The following EPC2 variants were observed in gnomAD, a reference collection of about 807,000 sequenced individuals.
EPC2 encodes the protein enhancer of polycomb homolog 2.
EPC2 carries 14 observed loss-of-function variants against 92.1 expected under a neutral mutation model. The ratio of observed to expected loss-of-function variants is 0.15; its 90% CI spans 0.10 to 0.24. EPC2 has a LOEUF of 0.24. Ranked by LOEUF, EPC2 falls within the 10% of genes least tolerant of loss-of-function variation. The pLI, the probability that EPC2 is intolerant of heterozygous loss-of-function variation, is 1.00. For missense variants in EPC2, 755 were observed against 971.5 expected (o/e 0.78, Z 2.96); for synonymous variants, 340 against 334.7 (o/e 1.02, Z -0.17).
At chr2:148,681,241 G>A (rs147097129) in intron 1 of EPC2, among the ~76,000 whole-genome samples, 67 of 152,292 alleles carry the variant, frequency 4.4e-4, no homozygotes, top group African/African-American at 1.5e-3. Flanking sequence ...GTGTGTTTCC[G>A]AGAACTGATA....
chr2:148,698,981 A>C (rs1337017786), intron 2 of EPC2, among the ~76,000 whole-genome samples: 2 of 152,020 alleles, frequency 1.3e-5, no homozygotes, highest in East Asian at 3.9e-4. Context: ...TATTACAAGG[A>C]ATTAGTTTTA....
chr2:148,680,987 G>A (rs1681382038), intron 1 of EPC2, among the ~76,000 whole-genome samples: 1 of 152,204 alleles, frequency 6.6e-6, no homozygotes, highest in South Asian at 2.1e-4. Context: ...CTTCAGATGA[G>A]ACATGTTTGT....
chr2:148,750,569 A>G (rs1443528853), intron 3 of EPC2, among the ~76,000 whole-genome samples: 2 of 152,066 alleles, frequency 1.3e-5, no homozygotes, highest in African/African-American at 4.8e-5. Flanking sequence ...GCAACCATGT[A>G]TATTTTGATT....
intron 1 of EPC2, among the ~76,000 whole-genome samples, 183 bp from the exon 2 acceptor site, chr2:148,690,031 A>G (rs529358469): frequency 2.0e-4 from 30 of 152,358 alleles, no homozygotes; most frequent in African/African-American, 7.0e-4. Context: ...AGGTGTTATC[A>G]GTATGAGCCA....
intron 2 of EPC2, among the ~76,000 whole-genome samples, chr2:148,724,500 T>A (rs924642584): frequency 3.3e-5 from 5 of 152,136 alleles, no homozygotes; most frequent in Non-Finnish European, 7.4e-5. Context: ...TCGTTTTATC[T>A]TCACCTCAAT....
At chr2:148,777,428 G>A (rs745343117) in intron 10 of EPC2, among the ~76,000 whole-genome samples, 4 of 152,086 alleles carry the variant, frequency 2.6e-5, no homozygotes, top group African/African-American at 7.2e-5. Context: ...AAAGGCACAA[G>A]CACAAAAATC....
intron 2 of EPC2, among the ~76,000 whole-genome samples, chr2:148,731,170 T>C (rs1268341371): frequency 1.3e-5 from 2 of 152,198 alleles, no homozygotes; most frequent in Non-Finnish European, 2.9e-5. Context: ...GTGTTGGTTG[T>C]TACTGGATTC....
intron 1 of EPC2, among the ~76,000 whole-genome samples, chr2:148,649,707 T>C (rs1680629332): frequency 6.6e-6 from 1 of 152,238 alleles, no homozygotes; most frequent in Non-Finnish European, 1.5e-5. Flanking sequence ...TTCAGACCCT[T>C]GACATTGGTG....
At chr2:148,690,614 T>C (rs201362211) in intron 2 of EPC2, among the ~76,000 whole-genome samples, 1 of 152,242 alleles carries the variant, frequency 6.6e-6, no homozygotes, top group Non-Finnish European at 1.5e-5. Context: ...ATAGCACTTA[T>C]ACTTTATTAC....
intron 2 of EPC2, among the ~76,000 whole-genome samples, chr2:148,727,024 T>G (rs1682513474): frequency 6.6e-6 from 1 of 152,142 alleles, no homozygotes; most frequent in Non-Finnish European, 1.5e-5. Flanking sequence ...CATGAAGTCT[T>G]TCTTCCTGTA....
At chr2:148,771,661 A>G (rs1239961341) in intron 10 of EPC2, among the ~76,000 whole-genome samples, 1 of 152,154 alleles carries the variant, frequency 6.6e-6, no homozygotes, top group African/African-American at 2.4e-5. Context: ...AGATCATCAC[A>G]GCACAGTACT....
At chr2:148,755,371 A>G (rs1683166284) in intron 4 of EPC2, among the ~76,000 whole-genome samples, 1 of 152,174 alleles carries the variant, frequency 6.6e-6, no homozygotes, top group Admixed American at 6.5e-5. Context: ...AGGTTTATCT[A>G]AATCATTAAA....
intron 12 of EPC2, among the ~76,000 whole-genome samples, chr2:148,784,047 C>T (rs1373474399): frequency 2.0e-5 from 3 of 152,180 alleles, no homozygotes; most frequent in Non-Finnish European, 2.9e-5. Flanking sequence ...ATCTGTTGAG[C>T]TAACCATCCC....
rs567891291 is a variant in EPC2 at position 148,698,621 on chromosome 2, G to A, written c.313+8248G>A. Among the ~76,000 whole-genome samples the A allele has an allele frequency of 1.8e-3, 191 of 105,790 alleles. 2 individuals are homozygous for A. The highest frequency in any genetic ancestry group is 2.8e-3 in the Non-Finnish European group (163 of 57,452). The allele number at this position is 105,790 out of a possible 152,430, so 69.4% of individuals were successfully genotyped here. On this transcript the variant is annotated intron_variant, in intron 2 of 13. Transcript: ENST00000258484. ...ATTGCACTCCAGCCTGGGTGACAGC[G>A]AGACTCCATCTCAAAAAAAAAAAAA... is the stretch of plus-strand genomic sequence containing the variant.
At chr2:148,753,882 T>G (rs1322239001) in intron 3 of EPC2, 45 bp from the exon 4 acceptor site, 1 of 1,534,956 alleles carries the variant, frequency 6.5e-7, no homozygotes, top group Admixed American at 2.0e-5. Flanking sequence ...TTTTATTTCT[T>G]TTTGCAAACA....
intron 4 of EPC2, among the ~76,000 whole-genome samples, chr2:148,755,387 A>C (rs922724779): frequency 2.0e-5 from 3 of 152,132 alleles, no homozygotes; most frequent in East Asian, 1.9e-4. Flanking sequence ...TTAAAAAAAA[A>C]CCCTGAACTA....
chr2:148,755,473 A>G (rs896261896), intron 4 of EPC2, among the ~76,000 whole-genome samples: 1 of 152,150 alleles, frequency 6.6e-6, no homozygotes, highest in Admixed American at 6.5e-5. Flanking sequence ...AATATGTCAT[A>G]TATATGTTGC....
At chr2:148,667,291 G>A (rs1681074324) in intron 1 of EPC2, among the ~76,000 whole-genome samples, 1 of 152,158 alleles carries the variant, frequency 6.6e-6, no homozygotes, top group East Asian at 1.9e-4. Context: ...GCCCCAAGTT[G>A]GATGTGTGGC....
chr2:148,729,827 A>G (rs1252617038), intron 2 of EPC2, among the ~76,000 whole-genome samples: 2 of 152,208 alleles, frequency 1.3e-5, no homozygotes, highest in East Asian at 3.8e-4. Flanking sequence ...CTTCCCTGAA[A>G]GATGTGCAGT....
Sources: gnomAD v4.1 joint callset for allele counts (sites outside exome capture counted in the v4.1 genomes callset) on GRCh38, gnomAD v4.1.1 for gene constraint, MANE v1.5 for transcripts, NCBI Gene and HGNC (gene_info 2026-07-23, HGNC 2026-07-21) for gene names.